Variants in PRDM12 observed in about 807,000 individuals in gnomAD.
The protein encoded by PRDM12 is PR domain zinc finger protein 12.
Under a neutral mutation model 29.6 loss-of-function variants are expected in PRDM12, and 17 were observed. The ratio of observed to expected loss-of-function variants is 0.57; its 90% CI spans 0.39 to 0.86. PRDM12 has a LOEUF of 0.86. Among genes scored for constraint, PRDM12 ranks in the 40% least tolerant of loss-of-function variants. The pLI, the probability that PRDM12 is intolerant of heterozygous loss-of-function variation, is 0.00. For synonymous variants in PRDM12, 231 were observed against 225.8 expected (o/e 1.02, Z -0.21); for missense variants, 422 against 510.8 (o/e 0.83, Z 1.68).
At chr9:130,676,791 A>C (rs988615717) in intron 3 of PRDM12, among the ~76,000 whole-genome samples, 1 of 152,186 alleles carries the variant, frequency 6.6e-6, no homozygotes, top group Admixed American at 6.5e-5. Flanking sequence ...CCCGTGAACC[A>C]TGGGGGCATG....
intron 2 of PRDM12, 128 bp downstream of exon 2, chr9:130,666,926 C>A: frequency 7.9e-7 from 1 of 1,269,716 alleles, no homozygotes; most frequent in Non-Finnish European, 1.0e-6. Context: ...GGCCTGGACG[C>A]CCCCTGAGCC....
At chr9:130,667,454 C>T (rs1406548521) in intron 2 of PRDM12, among the ~76,000 whole-genome samples, 2 of 152,152 alleles carry the variant, frequency 1.3e-5, no homozygotes, top group African/African-American at 4.8e-5. Flanking sequence ...CCTAACTTTG[C>T]AGAACGGGAA....
At chr9:130,675,252 T>C (rs1371159075) in intron 3 of PRDM12, among the ~76,000 whole-genome samples, 1 of 152,264 alleles carries the variant, frequency 6.6e-6, no homozygotes. Flanking sequence ...GGCTTAGTAT[T>C]TGATGACCCC....
intron 3 of PRDM12, among the ~76,000 whole-genome samples, chr9:130,678,328 G>T (rs1001193993): frequency 3.3e-5 from 5 of 151,898 alleles, no homozygotes; most frequent in African/African-American, 9.7e-5. Context: ...GCAGGGAGAG[G>T]GGGGCAGAGG....
chr9:130,671,417 A>ACT (rs1491051529), intron 3 of PRDM12, among the ~76,000 whole-genome samples: 2 of 149,414 alleles, frequency 1.3e-5, no homozygotes, highest in African/African-American at 5.0e-5. Flanking sequence ...ACACACACAC[A>ACT]CTGTATCACA....
intron 1 of PRDM12, among the ~76,000 whole-genome samples, 155 bp from the exon 2 acceptor site, chr9:130,666,453 G>T (rs1225445121): frequency 1.3e-5 from 2 of 152,198 alleles, no homozygotes; most frequent in African/African-American, 2.4e-5. Flanking sequence ...CCGCACATCC[G>T]ACTTCCTCCA....
At chr9:130,667,650 T>G (rs896673564) in intron 2 of PRDM12, among the ~76,000 whole-genome samples, 5 of 152,162 alleles carry the variant, frequency 3.3e-5, no homozygotes, top group Non-Finnish European at 4.4e-5. Context: ...CTTCTCCAGT[T>G]GCTGGGTCAG....
intron 4 of PRDM12, among the ~76,000 whole-genome samples, chr9:130,680,460 C>G (rs1830883273): frequency 6.6e-6 from 1 of 151,228 alleles, no homozygotes; most frequent in Admixed American, 6.6e-5. Flanking sequence ...TGGTGAAACC[C>G]CGTCTGTACT....
rs918055921 is a variant in PRDM12 at position 130,673,477 on chromosome 9, T to C, written c.571-5052T>C. Among the ~76,000 whole-genome samples, 3 of 152,096 alleles carry C rather than the reference T, an allele frequency of 2.0e-5. No homozygotes were observed. In the South Asian group the frequency reaches 6.2e-4, roughly 32 times the overall value. On this transcript the variant is annotated intron_variant, in intron 3 of 4. Transcript: ENST00000253008. ...GCTGGCTTACAGCTGTCTGGAAATATGTGTCATTCTCAATTCCAGCAGCCT... is the reference window on the plus strand; with the variant it reads ...GCTGGCTTACAGCTGTCTGGAAATACGTGTCATTCTCAATTCCAGCAGCCT...
intron 4 of PRDM12, among the ~76,000 whole-genome samples, chr9:130,680,489 TG>T (rs1830883514): frequency 6.7e-6 from 1 of 150,068 alleles, no homozygotes; most frequent in South Asian, 2.1e-4. Context: ...AAAAATTAGC[TG>T]GGCGTGGTGG....
In PRDM12 at chr9:130,678,641, G is replaced by C; in HGVS notation, c.682+1G>C. ...GAGGACCAGAAAAAGAACAAGCATG[G>C]TAGGTGTTCCCCATGGGGCCGCTGA... On this transcript the variant is annotated splice_donor_variant, in intron 4 of 4. Transcript: ENST00000253008. LOFTEE classifies it high-confidence loss of function. 1 of 1,601,298 alleles carries C rather than the reference G, an allele frequency of 6.2e-7. No individual in the cohort carries two copies. Among genetic ancestry groups the C allele is most frequent in the Non-Finnish European group, 8.6e-7 (1 of 1,168,924 alleles).
At chr9:130,674,810 T>C (rs1361306207) in intron 3 of PRDM12, among the ~76,000 whole-genome samples, 2 of 152,220 alleles carry the variant, frequency 1.3e-5, no homozygotes, top group Non-Finnish European at 2.9e-5. Flanking sequence ...AAATTAATTT[T>C]AGTACATTAA....
intron 3 of PRDM12, among the ~76,000 whole-genome samples, chr9:130,670,430 G>A (rs527490513): frequency 5.3e-4 from 80 of 152,284 alleles, no homozygotes; most frequent in African/African-American, 1.9e-3. Context: ...CAGCTGAGGG[G>A]GGTGGTGCTT....
intron 3 of PRDM12, among the ~76,000 whole-genome samples, chr9:130,669,919 G>C (rs371187565): frequency 6.6e-6 from 1 of 152,004 alleles, no homozygotes; most frequent in Non-Finnish European, 1.5e-5. Flanking sequence ...GGGAAGAGGA[G>C]GGTGGGAAGA....
intron 3 of PRDM12, among the ~76,000 whole-genome samples, chr9:130,669,091 G>C (rs1564245412): frequency 6.6e-6 from 1 of 152,012 alleles, no homozygotes; most frequent in African/African-American, 2.4e-5. Context: ...TGAGTGAATT[G>C]CCGAGGCGGG....
chr9:130,666,145 GC>G (rs1329049150), intron 1 of PRDM12, among the ~76,000 whole-genome samples: 4 of 152,228 alleles, frequency 2.6e-5, no homozygotes, highest in Non-Finnish European at 5.9e-5. Flanking sequence ...CTCTGCCAGT[GC>G]CCAGAGCCTG....
At chr9:130,680,659 A>ATT (rs767033169) in intron 4 of PRDM12, among the ~76,000 whole-genome samples, 1,481 of 71,958 alleles carry the variant, frequency 0.021, 22 homozygotes, top group Non-Finnish European at 0.024. Context: ...ATATATATAT[A>ATT]TTTTTTTTTT....
Position 130,668,375 on chromosome 9 carries a change from G to T in PRDM12, c.570+62G>T. The T allele has an allele frequency of 1.9e-6, 3 of 1,602,726 alleles. No homozygotes were observed. Among genetic ancestry groups the T allele is most frequent in the South Asian group, 2.2e-5 (2 of 90,208 alleles). Reference sequence around the variant, plus strand: ...GCCGGTAAACCCGGCGGGGGGAGGTGTGCAGGGCAGCGGTGTCCAGGAACC... The same window carrying T: ...GCCGGTAAACCCGGCGGGGGGAGGTTTGCAGGGCAGCGGTGTCCAGGAACC... On this transcript the variant is annotated intron_variant, in intron 3 of 4. Coordinates refer to ENST00000253008, the MANE Select transcript of PRDM12 (RefSeq NM_021619.3). The surrounding 1 kb of genome is among the most constrained non-coding windows in gnomAD (Gnocchi z 4.0).
At chr9:130,665,898 T>C (rs1830728971) in intron 1 of PRDM12, among the ~76,000 whole-genome samples, 2 of 151,982 alleles carry the variant, frequency 1.3e-5, no homozygotes, top group Admixed American at 6.6e-5. Context: ...AGGGGAACCC[T>C]CGGGGAGCTG....
Sources: allele counts gnomAD v4.1 joint callset (sites outside exome capture counted in the v4.1 genomes callset), GRCh38; gene constraint gnomAD v4.1.1; non-coding constraint Gnocchi (gnomAD v3.1); transcripts MANE v1.5; gene names NCBI Gene and HGNC (gene_info 2026-07-23, HGNC 2026-07-21).